Variants in CELF2 observed in about 807,000 individuals in gnomAD.
CELF2 encodes CUGBP Elav-like family member 2.
Under a neutral mutation model 62.6 loss-of-function variants are expected in CELF2, and 8 were observed. That is an observed-to-expected ratio of 0.13 (90% CI 0.07 to 0.23). The LOEUF is 0.23. Ranked by LOEUF, CELF2 falls within the 10% of genes least tolerant of loss-of-function variation. The pLI, the probability that CELF2 is intolerant of heterozygous loss-of-function variation, is 1.00. For missense variants in CELF2, 333 were observed against 671.0 expected, an observed-to-expected ratio of 0.50 and a Z score of 5.56; for synonymous variants, 258 against 250.0, an observed-to-expected ratio of 1.03 and a Z score of -0.30.
chr10:10,754,522 CAAGG>C, the CELF2 span, among the ~76,000 whole-genome samples: 1 of 152,138 alleles, frequency 6.6e-6, no homozygotes, highest in East Asian at 1.9e-4. Context: ...ATGATGACTA[CAAGG>C]AAGCATGATC....
the CELF2 span, among the ~76,000 whole-genome samples, chr10:10,494,081 C>G: frequency 2.4e-4 from 36 of 152,308 alleles, no homozygotes; most frequent in African/African-American, 7.5e-4. Flanking sequence ...CCAAGAGAGG[C>G]TGACTGCCTC....
Position 11,008,394 on chromosome 10 carries a change from G to A in CELF2, c.53+2954G>A, listed in dbSNP as rs1049845322. On this transcript the variant is annotated intron_variant, in intron 1 of 12. Transcript: ENST00000416382. The surrounding 1 kb of genome is among the most constrained non-coding windows in gnomAD (Gnocchi z 4.5). The stretch of plus-strand genomic sequence containing the variant: ...CCTGTGTATGAATATTCCTTGATTT[G>A]TTAAAATGAAACCAGACAGTTTTGC... Among the ~76,000 whole-genome samples the A allele has an allele frequency of 7.2e-5, 11 of 152,146 alleles. No homozygotes were observed. Among genetic ancestry groups the A allele is most frequent in the African/African-American group, 2.2e-4 (9 of 41,434 alleles).
At chr10:10,762,632 C>T in the CELF2 span, among the ~76,000 whole-genome samples, 23 of 152,266 alleles carry the variant, frequency 1.5e-4, no homozygotes, top group Middle Eastern at 6.8e-3. Context: ...GGTAGTTCTC[C>T]GGTCTCAGGC....
chr10:11,164,775 G>A lies in CELF2; in HGVS notation c.75-711G>A, dbSNP rs561610992. Among the ~76,000 whole-genome samples the A allele has an allele frequency of 2.6e-5, 4 of 152,068 alleles. No homozygotes were observed. The East Asian group carries it at 7.7e-4, about 29-fold the overall frequency. The stretch of plus-strand genomic sequence containing the variant: ...CCATAAACAATGTGCTTTTTAAAGG[G>A]GAGCCCCCTCCCAGCTCCGGCCTTT... On this transcript the variant is annotated intron_variant, in intron 1 of 12. Transcript: ENST00000633077.
chr10:11,274,060 T>C (rs2085021442), intron 7 of CELF2, among the ~76,000 whole-genome samples: 1 of 148,474 alleles, frequency 6.7e-6, no homozygotes, highest in Admixed American at 6.9e-5. Context: ...AAATAGTGAA[T>C]TAATCTTGTT....
intron 2 of CELF2, among the ~76,000 whole-genome samples, chr10:10,953,120 A>T (rs1449431716): frequency 6.6e-6 from 1 of 152,252 alleles, no homozygotes; most frequent in Non-Finnish European, 1.5e-5. Flanking sequence ...ATTGTACATC[A>T]TTAACAAGAC....
chr10:11,112,738 T>C (rs1464306228), intron 1 of CELF2, among the ~76,000 whole-genome samples: 1 of 152,272 alleles, frequency 6.6e-6, no homozygotes, highest in Non-Finnish European at 1.5e-5. Context: ...GCAACACAAA[T>C]GATTTATAGA....
rs1484181904 is a variant in CELF2 at position 10,947,454 on chromosome 10, A to G, written c.89+27455A>G. Reference sequence around the variant, plus strand: ...GATTGCCAAGTAATTACCTTGATTTATGAAGGCAGGAATAGAAGGTAGCAT... The same window carrying G: ...GATTGCCAAGTAATTACCTTGATTTGTGAAGGCAGGAATAGAAGGTAGCAT... On this transcript the variant is annotated intron_variant, in intron 2 of 13. Coordinates refer to the CELF2 transcript ENST00000636488. This position sits in a 1 kb window ranked among gnomAD's most constrained non-coding sequence, Gnocchi z 4.1. 1.3e-5 allele frequency: 2 copies of G among 152,684 alleles called. No homozygotes were observed. The highest frequency in any genetic ancestry group is 2.9e-5 in the Non-Finnish European group (2 of 68,034). The allele number at this position is 152,684 out of a possible 1,614,324, so 9.5% of individuals were successfully genotyped here. A position where few individuals can be genotyped will look rare whatever the true frequency, so the allele number is the denominator to read the frequency against.
chr10:11,178,776 G>T lies in CELF2; in HGVS notation c.271+13094G>T, dbSNP rs182910864. 6.6e-6 allele frequency among the ~76,000 whole-genome samples: 1 copy of T among 152,214 alleles called. No homozygotes were observed. The highest frequency in any genetic ancestry group is 1.9e-4 in the East Asian group (1 of 5,198). ...TCAGGAGATAAGAGTGGGGCCTATCGCTCTGTGGCTTTCTCCCCCTGCATT... is the reference window on the plus strand; with the variant it reads ...TCAGGAGATAAGAGTGGGGCCTATCTCTCTGTGGCTTTCTCCCCCTGCATT... On this transcript the variant is annotated intron_variant, in intron 2 of 12. Transcript: ENST00000633077. This position sits in a 1 kb window ranked among gnomAD's most constrained non-coding sequence, Gnocchi z 4.3.
chr10:10,656,108 A>C, the CELF2 span, among the ~76,000 whole-genome samples: 1 of 147,548 alleles, frequency 6.8e-6, no homozygotes, highest in African/African-American at 2.5e-5. Context: ...CAGCCAAAAA[A>C]CACATGAAAA....
At chr10:10,658,393 A>G in the CELF2 span, among the ~76,000 whole-genome samples, 8 of 152,350 alleles carry the variant, frequency 5.3e-5, no homozygotes, top group African/African-American at 1.9e-4. Context: ...TCTGAAATCC[A>G]AAGATAATAT....
At chr10:10,718,768 T>C in the CELF2 span, among the ~76,000 whole-genome samples, 2 of 151,518 alleles carry the variant, frequency 1.3e-5, no homozygotes, top group African/African-American at 2.4e-5. Flanking sequence ...AGGGAAAGAG[T>C]AGAACCAGCA....
chr10:11,326,098 TGATTTTCTG>T, intron 12 of CELF2, 119 bp downstream of exon 12: 1 of 1,020,148 alleles, frequency 9.8e-7, no homozygotes, highest in Non-Finnish European at 1.4e-6. Context: ...TGTTGGGCTC[TGATTTTCTG>T]GATCCTTGTA....
the CELF2 span, among the ~76,000 whole-genome samples, chr10:10,575,575 C>G: frequency 1.3e-5 from 2 of 152,164 alleles, no homozygotes; most frequent in African/African-American, 4.8e-5. Flanking sequence ...AAAAAGATGA[C>G]TCTCTCACCA....
At chr10:10,597,968 A>G in the CELF2 span, among the ~76,000 whole-genome samples, 12 of 152,304 alleles carry the variant, frequency 7.9e-5, no homozygotes, top group South Asian at 1.7e-3. Flanking sequence ...CCTTTAATGA[A>G]TCGAGTCTAA....
intron 3 of CELF2, among the ~76,000 whole-genome samples, chr10:11,236,228 T>A (rs891093717): frequency 6.6e-6 from 1 of 152,226 alleles, no homozygotes; most frequent in African/African-American, 2.4e-5. Context: ...GTCAGAAGGT[T>A]CAAGATAAAA....
the CELF2 span, among the ~76,000 whole-genome samples, chr10:10,584,171 G>A: frequency 0.27 from 41,453 of 151,982 alleles, 5,838 homozygotes; most frequent in South Asian, 0.41. Flanking sequence ...TGTAGACTTA[G>A]CCCTGATAAA....
chr10:10,702,316 C>A, the CELF2 span, among the ~76,000 whole-genome samples: 1 of 152,176 alleles, frequency 6.6e-6, no homozygotes, highest in Non-Finnish European at 1.5e-5. Context: ...GTATGCTTCA[C>A]TTCTTTCTTT....
rs1364213151 is a variant in CELF2, at chr10:10,957,394, G to A, written c.89+37395G>A. Among the ~76,000 whole-genome samples the A allele has an allele frequency of 6.6e-6, 1 of 152,176 alleles. No homozygotes were observed. Among genetic ancestry groups the A allele is most frequent in the Non-Finnish European group, 1.5e-5 (1 of 68,034 alleles). ...CTCTCGCTGAAGGATGATCTCAGAT[G>A]CCTTCTGTTTGAATGTAAGAGGATG... On this transcript the variant is annotated intron_variant, in intron 2 of 13. Coordinates refer to the CELF2 transcript ENST00000636488. This position sits in a 1 kb window ranked among gnomAD's most constrained non-coding sequence, Gnocchi z 4.1.
Sources: allele counts gnomAD v4.1 joint callset (sites outside exome capture counted in the v4.1 genomes callset), GRCh38; gene constraint gnomAD v4.1.1; non-coding constraint Gnocchi (gnomAD v3.1); transcripts MANE v1.5; gene names NCBI Gene and HGNC (gene_info 2026-07-23, HGNC 2026-07-21).